Variants in CC2D2B observed in about 807,000 individuals in gnomAD.
CC2D2B encodes coiled-coil and C2 domain containing 2B, also known as protein CC2D2B.
A neutral mutation model predicts 161.2 loss-of-function variants in CC2D2B; 128 were observed. The ratio of observed to expected loss-of-function variants is 0.79; its 90% CI spans 0.69 to 0.92. CC2D2B has a LOEUF of 0.92. Ranked by LOEUF, CC2D2B falls within the 40% of genes least tolerant of loss-of-function variation. The pLI is 0.00. For missense variants in CC2D2B, 1,173 were observed against 1,375.1 expected (o/e 0.85, Z 2.32); for synonymous variants, 391 against 449.8 (o/e 0.87, Z 1.65).
In CC2D2B at chr10:95,996,209, G is replaced by A. The variant is rs1400850050; in HGVS notation, c.2806G>A (p.Gly936Arg). Reference protein sequence around the residue: ...HTVYKTNTASGSHPCWNEEIK... With the variant: ...HTVYKTNTASRSHPCWNEEIK... ...TGTATACAAAACCAATACAGCAAGT[G>A]GATCTCATCCATGCTGGAATGAAGA... Residue 936 changes from glycine to arginine, a missense_variant, in exon 24 of 35, where the codon GGA (glycine) becomes AGA (arginine). Coordinates refer to ENST00000646931, the MANE Select transcript of CC2D2B (RefSeq NM_001349008.3). 1.1e-5 allele frequency: 17 copies of A among 1,516,784 alleles called. No individual in the cohort carries two copies. Among genetic ancestry groups the A allele is most frequent in the African/African-American group, 1.4e-5 (1 of 72,742 alleles). The allele number at this position is 1,516,784 out of a possible 1,614,324, so 94.0% of individuals were successfully genotyped here. A position where few individuals can be genotyped will look rare whatever the true frequency, so the allele number is the denominator to read the frequency against.
In CC2D2B at chr10:95,988,244, A is replaced by G. The variant is rs913560890; in HGVS notation, c.2287-6A>G. 2.6e-6 allele frequency: 3 copies of G among 1,138,922 alleles called. 1 individual carries two copies. The highest frequency in any genetic ancestry group is 8.8e-5 in the South Asian group (2 of 22,652). 70.6% of individuals were successfully genotyped at this position (1,138,922 alleles called of 1,614,324 possible). On this transcript the variant is annotated splice_region_variant and splice_polypyrimidine_tract_variant and intron_variant, in intron 19 of 34. Coordinates refer to ENST00000646931, the MANE Select transcript of CC2D2B (RefSeq NM_001349008.3). The stretch of plus-strand genomic sequence containing the variant: ...CAAGAAGTGAAACTAACAATTCTGT[A>G]TTTAGGAGTATGAAAGTCAGAAAGA...
chr10:96,018,142 G>A (rs111432000), intron 30 of CC2D2B, among the ~76,000 whole-genome samples: 33 of 152,220 alleles, frequency 2.2e-4, no homozygotes, highest in African/African-American at 7.5e-4. Context: ...AAGTGACAAA[G>A]TTAGTGTTAA....
At chr10:95,988,422 T>A in intron 20 of CC2D2B, 80 bp downstream of exon 20, 1 of 562,618 alleles carries the variant, frequency 1.8e-6, no homozygotes, top group Non-Finnish European at 2.7e-6. Context: ...TTATAGTCCT[T>A]CCAGAGAGTC....
chr10:96,027,865 C>G (rs1021171287), intron 34 of CC2D2B, among the ~76,000 whole-genome samples: 9 of 152,114 alleles, frequency 5.9e-5, no homozygotes, highest in African/African-American at 1.7e-4. Flanking sequence ...TCAGCAAAGG[C>G]CCCAAGAACA....
chr10:95,981,075 A>G (rs1358140373), intron 17 of CC2D2B, among the ~76,000 whole-genome samples: 1 of 152,188 alleles, frequency 6.6e-6, no homozygotes, highest in Admixed American at 6.5e-5. Flanking sequence ...AGTCTAGCCT[A>G]TCTTTTACAG....
Position 95,953,082 on chromosome 10 carries a change from A to C in CC2D2B, c.1012-2312A>C, listed in dbSNP as rs561358183. Among the ~76,000 whole-genome samples, 5 of 152,288 alleles carry C rather than the reference A, an allele frequency of 3.3e-5. No individual in the cohort carries two copies. In the South Asian group the frequency reaches 1.0e-3, roughly 32 times the overall value. On this transcript the variant is annotated intron_variant, in intron 10 of 34. Coordinates refer to ENST00000646931, the MANE Select transcript of CC2D2B (RefSeq NM_001349008.3). ...TTATTTTTAATTAATTCACAAGTTA[A>C]AAAAGAATATATATATTTTTCTAGA...
intron 28 of CC2D2B, 150 bp from the exon 29 acceptor site, chr10:96,013,638 A>C (rs936555654): frequency 2.1e-6 from 1 of 473,608 alleles, no homozygotes; most frequent in African/African-American, 2.1e-5. Context: ...TTATTACTCC[A>C]AGCTTATTTC....
rs772106042 is a variant in CC2D2B at position 96,032,054 on chromosome 10, A to G, written c.*46A>G. 6.4e-5 allele frequency: 91 copies of G among 1,428,398 alleles called. No individual in the cohort carries two copies. Among genetic ancestry groups the G allele is most frequent in the Non-Finnish European group, 8.4e-5 (88 of 1,042,552 alleles). The allele number at this position is 1,428,398 out of a possible 1,614,324, so 88.5% of individuals were successfully genotyped here. A position where few individuals can be genotyped will look rare whatever the true frequency, so the allele number is the denominator to read the frequency against. ...AAAGATTGTACTATAGTCCTCTAGTACCAACAAAAACTTTTCTGGTACCTT... is the reference window on the plus strand; with the variant it reads ...AAAGATTGTACTATAGTCCTCTAGTGCCAACAAAAACTTTTCTGGTACCTT... On this transcript the variant is annotated 3_prime_UTR_variant, in exon 35 of 35. Coordinates refer to ENST00000646931, the MANE Select transcript of CC2D2B (RefSeq NM_001349008.3).
rs867640599 is a variant in CC2D2B, at chr10:95,927,327, G to A, written c.331G>A (p.Glu111Lys). The stretch of plus-strand genomic sequence containing the variant: ...AGGTTCAGCTTTGGGCAAGTCTTCA[G>A]AGCAGGTTGGATTTGTTTGCCTCCC... The part of the protein sequence containing the change: ...EEGSALGKSS[E>K]QRPVNRSYPK... Residue 111 changes from glutamate (E) to lysine (K), a missense_variant, in exon 6 of 35, where the codon GAG (glutamate) becomes AAG (lysine). Coordinates refer to ENST00000646931, the MANE Select transcript of CC2D2B (RefSeq NM_001349008.3). The A allele has an allele frequency of 6.5e-7, 1 of 1,543,506 alleles. No individual in the cohort carries two copies. The highest frequency in any genetic ancestry group is 2.0e-5 in the Admixed American group (1 of 50,732).
chr10:96,002,192 CA>C (rs1308690644), intron 24 of CC2D2B, among the ~76,000 whole-genome samples: 1 of 152,134 alleles, frequency 6.6e-6, no homozygotes, highest in Admixed American at 6.5e-5. Flanking sequence ...GCAATTATAG[CA>C]GTGAAATAGG....
At chr10:96,008,763 T>C (rs1288443947) in intron 25 of CC2D2B, among the ~76,000 whole-genome samples, 1 of 152,152 alleles carries the variant, frequency 6.6e-6, no homozygotes, top group Non-Finnish European at 1.5e-5. Context: ...TCTTATTGAA[T>C]TTTGGGAGTC....
chr10:96,003,025 T>TAA (rs1564659292), intron 24 of CC2D2B, among the ~76,000 whole-genome samples: 4 of 127,196 alleles, frequency 3.1e-5, no homozygotes, highest in African/African-American at 1.3e-4. Context: ...TAAATAAATA[T>TAA]ATATATATAT....
chr10:95,926,416 G>A (rs2098538525), intron 5 of CC2D2B, among the ~76,000 whole-genome samples: 1 of 151,942 alleles, frequency 6.6e-6, no homozygotes, highest in Non-Finnish European at 1.5e-5. Context: ...TTGTTACAAG[G>A]TGAATAACTT....
At chr10:96,010,648 G>A (rs1345292973) in intron 26 of CC2D2B, among the ~76,000 whole-genome samples, 6 of 152,106 alleles carry the variant, frequency 3.9e-5, no homozygotes, top group Non-Finnish European at 7.4e-5. Context: ...TGGAAATGCC[G>A]GGGGAGTGGT....
At chr10:95,942,168 A>G (rs1451733704) in intron 9 of CC2D2B, among the ~76,000 whole-genome samples, 1 of 152,146 alleles carries the variant, frequency 6.6e-6, no homozygotes, top group East Asian at 1.9e-4. Flanking sequence ...GGCTTGGGGA[A>G]GAGAGAAATA....
chr10:95,926,252 G>C (rs1336741078), intron 5 of CC2D2B, among the ~76,000 whole-genome samples: 4 of 152,042 alleles, frequency 2.6e-5, no homozygotes, highest in Non-Finnish European at 5.9e-5. Flanking sequence ...AGGAAAAGGG[G>C]TTAAAAGGAA....
intron 2 of CC2D2B, among the ~76,000 whole-genome samples, chr10:95,916,082 T>C (rs2098515807): frequency 6.6e-6 from 1 of 152,160 alleles, no homozygotes; most frequent in African/African-American, 2.4e-5. Context: ...TTGTTACTTA[T>C]TATTGGTCTA....
At chr10:96,029,262 ATATATATATATATATATATATATG>A (rs1186835150) in intron 34 of CC2D2B, among the ~76,000 whole-genome samples, 441 of 61,362 alleles carry the variant, frequency 7.2e-3, no homozygotes, top group African/African-American at 0.016. Flanking sequence ...ATATATATAT[ATATATATATATATATATATATATG>A]TATATATATA....
At chr10:96,024,245 ATG>A (rs34536704) in intron 32 of CC2D2B, among the ~76,000 whole-genome samples, 7,601 of 149,716 alleles carry the variant, frequency 0.051, 250 homozygotes, top group Middle Eastern at 0.083. Flanking sequence ...GTGTATGTGC[ATG>A]TGTGTGTGTG....
Sources: gnomAD v4.1 joint callset for allele counts (sites outside exome capture counted in the v4.1 genomes callset) on GRCh38, gnomAD v4.1.1 for gene constraint, MANE v1.5 for transcripts, NCBI Gene and HGNC (gene_info 2026-07-23, HGNC 2026-07-21) for gene names.